Variants in NIPAL3 observed in about 807,000 individuals in gnomAD.
NIPAL3 encodes NIPA-like protein 3.
In NIPAL3, 41 loss-of-function variants were observed where a neutral mutation model predicts 47.2. That is an observed-to-expected ratio of 0.87 (90% confidence interval 0.68 to 1.13). The LOEUF (loss-of-function observed/expected upper bound fraction) is 1.13, where lower values mean the gene tolerates loss of function less well. Among genes scored for constraint, NIPAL3 ranks in the 50% most tolerant of loss-of-function variants. The pLI is 0.00. For synonymous variants in NIPAL3, 194 were observed against 209.6 expected (o/e 0.93, Z 0.64); for missense variants, 449 against 530.1 (o/e 0.85, Z 1.50).
In NIPAL3 at chr1:24,458,945, C is replaced by T; in HGVS notation, c.831C>T (p.Tyr277=). The T allele has an allele frequency of 6.2e-7, 1 of 1,614,074 alleles. No individual in the cohort carries two copies. The highest frequency in any genetic ancestry group is 8.5e-7 in the Non-Finnish European group (1 of 1,179,942). Residue 277 remains tyrosine, a synonymous_variant, in exon 9 of 12, where the codon TAC becomes TAT. Transcript: ENST00000374399. ...CCTCTTTGATTGCCAGTGTGGGCTA[C>T]ATTCTGTCCACAACCATTGCTATCA... The part of the protein sequence containing the change: ...YDSSLIASVG[Y]ILSTTIAITA...
At chr1:24,460,613 C>T in intron 10 of NIPAL3, 69 bp downstream of exon 10, 1 of 1,326,422 alleles carries the variant, frequency 7.5e-7, no homozygotes, top group Non-Finnish European at 1.0e-6. Context: ...GCCCCTCTCT[C>T]TCCCTTATTG....
At position 24,456,254 on chromosome 1, in the gene NIPAL3, A is replaced by C; in HGVS notation, c.754A>C (p.Thr252Pro). ...FYVMFVCMVA[T>P]AVYQAAFLSQ... is the part of the protein sequence containing the mutation. The stretch of plus-strand genomic sequence containing the variant: ...CGTGATGTTCGTGTGCATGGTGGCA[A>C]CCGCCGTCTATCAGGCTGCGTGAGT... The change falls in exon 8 of 12, where the codon ACC becomes CCC. Residue 252 changes from threonine (T) to proline (P), a missense_variant. Coordinates refer to ENST00000374399, the MANE Select transcript of NIPAL3 (RefSeq NM_020448.5). 6.2e-7 allele frequency: 1 copy of C among 1,614,158 alleles called. No individual in the cohort carries two copies. Among genetic ancestry groups the C allele is most frequent in the Non-Finnish European group, 8.5e-7 (1 of 1,180,016 alleles).
intron 11 of NIPAL3, chr1:24,466,372 C>T (rs558507240): frequency 9.4e-5 from 21 of 222,716 alleles, no homozygotes; most frequent in Non-Finnish European, 1.7e-4. Context: ...TAAACATAGA[C>T]AAAAAATGGA....
chr1:24,463,965 T>G, intron 10 of NIPAL3, 61 bp from the exon 11 acceptor site: 1 of 1,409,382 alleles, frequency 7.1e-7, no homozygotes, highest in Non-Finnish European at 9.8e-7. Flanking sequence ...AGCCTGAAAG[T>G]GTGCCTGCCC....
At chr1:24,440,365 G>A in intron 3 of NIPAL3, 125 bp downstream of exon 3, 1 of 615,318 alleles carries the variant, frequency 1.6e-6, no homozygotes. Context: ...GCTGCACCTG[G>A]GACAATACCT....
chr1:24,449,389 C>A lies in NIPAL3; in HGVS notation c.395-92C>A. ...AACAATACCAGGTCATGGTATGTTGCAGGAGAAGCCTGTTTTTTCATGGCT... is the reference window on the plus strand; with the variant it reads ...AACAATACCAGGTCATGGTATGTTGAAGGAGAAGCCTGTTTTTTCATGGCT... On this transcript the variant is annotated intron_variant, in intron 5 of 11. Transcript: ENST00000374399. This position sits in a 1 kb window ranked among gnomAD's most constrained non-coding sequence, Gnocchi z 4.5. The A allele has an allele frequency of 7.3e-7, 1 of 1,374,350 alleles. No homozygotes were observed. Among genetic ancestry groups the A allele is most frequent in the Non-Finnish European group, 9.9e-7 (1 of 1,007,558 alleles). The allele number at this position is 1,374,350 out of a possible 1,614,324, so 85.1% of individuals were successfully genotyped here. A position where few individuals can be genotyped will look rare whatever the true frequency, so the allele number is the denominator to read the frequency against.
chr1:24,419,080 T>C (rs1644191748), intron 1 of NIPAL3, among the ~76,000 whole-genome samples: 1 of 152,072 alleles, frequency 6.6e-6, no homozygotes, highest in African/African-American at 2.4e-5. Context: ...GCTTTTGAGA[T>C]AGATGAGTCA....
intron 10 of NIPAL3, among the ~76,000 whole-genome samples, chr1:24,461,414 T>C (rs1305995548): frequency 3.3e-5 from 5 of 151,044 alleles, no homozygotes; most frequent in Admixed American, 6.6e-5. Context: ...TGATGGTGCA[T>C]GCCTGTAATC....
In NIPAL3 at chr1:24,449,457, C is replaced by T. The variant is rs192786330; in HGVS notation, c.395-24C>T. ...CTTGGGCCTGTTGTTGCAATGAGTC[C>T]GTGACAGCCTCTCTTCCCCGCAGGG... On this transcript the variant is annotated intron_variant, in intron 5 of 11. Transcript: ENST00000374399. The surrounding 1 kb of genome is among the most constrained non-coding windows in gnomAD (Gnocchi z 4.5). 8.7e-4 allele frequency: 1,402 copies of T among 1,611,842 alleles called. 15 individuals are homozygous for T. The African/African-American group carries it at 0.015, about 18-fold the overall frequency.
At chr1:24,423,641 C>A (rs4648982) in intron 2 of NIPAL3, among the ~76,000 whole-genome samples, 105,982 of 151,912 alleles carry the variant, frequency 0.7, 37,879 homozygotes, top group African/African-American at 0.88. Context: ...CACACACACA[C>A]AAAAAAGGCA....
chr1:24,441,535 G>C (rs761679162), intron 3 of NIPAL3, among the ~76,000 whole-genome samples: 1 of 152,108 alleles, frequency 6.6e-6, no homozygotes, highest in Non-Finnish European at 1.5e-5. Context: ...ATCCACCCCA[G>C]GGAGAGCAAG....
At chr1:24,447,916 T>C (rs1049158753) in intron 5 of NIPAL3, among the ~76,000 whole-genome samples, 1 of 152,264 alleles carries the variant, frequency 6.6e-6, no homozygotes, top group Non-Finnish European at 1.5e-5. Context: ...TGAATATGGC[T>C]GTTTTACCTG....
rs114967531 is a variant in NIPAL3 at position 24,442,694 on chromosome 1, T to C, written c.334+468T>C. Reference sequence around the variant, plus strand: ...CACTGAGTGCAGTGGCTTGTACCTGTAATCCCAGCTACTTGGGAGGCTGAA... The same window carrying C: ...CACTGAGTGCAGTGGCTTGTACCTGCAATCCCAGCTACTTGGGAGGCTGAA... On this transcript the variant is annotated intron_variant, in intron 4 of 11. Transcript: ENST00000374399. Among the ~76,000 whole-genome samples, 1,512 of 152,318 alleles carry C rather than the reference T, an allele frequency of 9.9e-3. 25 individuals are homozygous for C. The highest frequency in any genetic ancestry group is 0.033 in the African/African-American group (1,357 of 41,570).
chr1:24,440,014 G>A (rs1645299306), intron 2 of NIPAL3, among the ~76,000 whole-genome samples, 158 bp from the exon 3 acceptor site: 1 of 152,246 alleles, frequency 6.6e-6, no homozygotes, highest in South Asian at 2.1e-4. Context: ...TTAACCTTCA[G>A]TAGTAACATT....
chr1:24,463,075 G>T (rs1646547062), intron 10 of NIPAL3, among the ~76,000 whole-genome samples: 1 of 152,116 alleles, frequency 6.6e-6, no homozygotes, highest in Non-Finnish European at 1.5e-5. Flanking sequence ...TGTAATCCCA[G>T]GTACTGGGGG....
rs1570143333 is a variant in NIPAL3 at position 24,416,196 on chromosome 1, C to T, written c.-258+292C>T. ...TTTCTCCTCTTCGTGCCGAGCGGCT[C>T]GGGCTTCCTGGCGGCAGCAGATGGT... On this transcript the variant is annotated intron_variant, in intron 1 of 11. Transcript: ENST00000374399. The surrounding 1 kb of genome is among the most constrained non-coding windows in gnomAD (Gnocchi z 4.8). 1.0e-6 allele frequency: 1 copy of T among 985,668 alleles called. No homozygotes were observed. Among genetic ancestry groups the T allele is most frequent in the Non-Finnish European group, 1.2e-6 (1 of 830,152 alleles). 61.1% of individuals were successfully genotyped at this position (985,668 alleles called of 1,614,324 possible).
intron 5 of NIPAL3, among the ~76,000 whole-genome samples, chr1:24,445,639 G>C (rs754240667): frequency 3.3e-5 from 5 of 152,194 alleles, no homozygotes; most frequent in Non-Finnish European, 5.9e-5. Flanking sequence ...AGGTGAGCTA[G>C]ATTAAAGCAT....
intron 6 of NIPAL3, among the ~76,000 whole-genome samples, chr1:24,452,908 G>A (rs946712808): frequency 2.8e-5 from 4 of 143,774 alleles, no homozygotes; most frequent in Non-Finnish European, 4.5e-5. Flanking sequence ...CACCATGTTG[G>A]CCAGGCTGGT....
chr1:24,469,163 T>C lies in NIPAL3; in HGVS notation c.1199T>C (p.Leu400Pro), dbSNP rs749093500. Residue 400 changes from leucine (L) to proline (P), a missense_variant, in exon 12 of 12, where the codon CTA (leucine) becomes CCA (proline). Transcript: ENST00000374399. ...RSASGVPYRV[L>P]EHTKKE ...GCCTCTGGGGTCCCCTACCGAGTCC[T>C]AGAGCACACCAAGAAGGAATGAGAC... The C allele has an allele frequency of 6.2e-7, 1 of 1,613,892 alleles. No homozygotes were observed. The highest frequency in any genetic ancestry group is 1.1e-5 in the South Asian group (1 of 91,082).
Sources: gnomAD v4.1 joint callset for allele counts (sites outside exome capture counted in the v4.1 genomes callset) on GRCh38, gnomAD v4.1.1 for gene constraint, Gnocchi (gnomAD v3.1) non-coding constraint, MANE v1.5 for transcripts, NCBI Gene and HGNC (gene_info 2026-07-23, HGNC 2026-07-21) for gene names.